The following NPAS3 variants were observed in gnomAD, a reference collection of about 807,000 sequenced individuals.
NPAS3 encodes neuronal PAS domain protein 3.
A neutral mutation model predicts 73.1 loss-of-function variants in NPAS3; 14 were observed. That is an observed-to-expected ratio of 0.19 (90% CI 0.13 to 0.30). NPAS3 has a LOEUF of 0.30. Among genes scored for constraint, NPAS3 ranks in the 10% least tolerant of loss-of-function variants. NPAS3 has a pLI of 1.00. For synonymous variants in NPAS3, 620 were observed against 541.5 expected, an observed-to-expected ratio of 1.14 and a Z score of -2.01; for missense variants, 1,096 against 1,250.0, an observed-to-expected ratio of 0.88 and a Z score of 1.86.
intron 4 of NPAS3, among the ~76,000 whole-genome samples, chr14:33,410,806 C>G (rs1227735738): frequency 6.6e-6 from 1 of 152,094 alleles, no homozygotes; most frequent in Non-Finnish European, 1.5e-5. Context: ...CCACCACACC[C>G]GGCTAATTTT....
At chr14:33,511,915 T>C (rs2053073278) in intron 4 of NPAS3, among the ~76,000 whole-genome samples, 1 of 152,116 alleles carries the variant, frequency 6.6e-6, no homozygotes, top group Non-Finnish European at 1.5e-5. Context: ...ACTCCATTGC[T>C]GAATCTTACT....
intron 2 of NPAS3, among the ~76,000 whole-genome samples, chr14:33,157,767 C>T (rs530358898): frequency 2.6e-5 from 4 of 152,242 alleles, no homozygotes; most frequent in South Asian, 2.1e-4. Flanking sequence ...GGAGCTAGGT[C>T]GCCTGGGTTT....
intron 1 of NPAS3, among the ~76,000 whole-genome samples, chr14:33,025,628 A>T (rs544920100): frequency 6.6e-6 from 1 of 152,016 alleles, no homozygotes; most frequent in Non-Finnish European, 1.5e-5. Flanking sequence ...ATCTGGTGGG[A>T]GGTGATTGGA....
In NPAS3 at chr14:33,732,370, T is replaced by C. The variant is rs192728689; in HGVS notation, c.734-2844T>C. The stretch of plus-strand genomic sequence containing the variant: ...TGAGACAGTTCAAAAGCATCTCTTC[T>C]AAAGCTGCTGCTCTCATCTGTCACA... On this transcript the variant is annotated intron_variant, in intron 6 of 11. Coordinates refer to ENST00000356141, the Ensembl canonical transcript of NPAS3. Among the ~76,000 whole-genome samples the C allele has an allele frequency of 3.5e-4, 54 of 152,330 alleles. 1 individual carries two copies. The highest frequency in any genetic ancestry group is 3.4e-3 in the Middle Eastern group (1 of 294).
chr14:33,434,061 A>G (rs997649477), intron 4 of NPAS3, among the ~76,000 whole-genome samples: 3 of 151,976 alleles, frequency 2.0e-5, no homozygotes, highest in Non-Finnish European at 4.4e-5. Flanking sequence ...GCGTGGTGGC[A>G]GGCGCCTGTA....
At chr14:33,352,667 G>A (rs2045125168) in intron 3 of NPAS3, among the ~76,000 whole-genome samples, 1 of 152,176 alleles carries the variant, frequency 6.6e-6, no homozygotes, top group Admixed American at 6.5e-5. Context: ...CTTTTTAAGT[G>A]TTCCTGAATA....
At chr14:33,080,308 G>A (rs1292098510) in intron 2 of NPAS3, among the ~76,000 whole-genome samples, 3 of 151,850 alleles carry the variant, frequency 2.0e-5, no homozygotes, top group African/African-American at 4.8e-5. Context: ...GGGTTTCATC[G>A]TGTTAGCCAG....
At chr14:33,691,602 C>G (rs1464169627) in intron 6 of NPAS3, among the ~76,000 whole-genome samples, 1 of 152,188 alleles carries the variant, frequency 6.6e-6, no homozygotes, top group East Asian at 1.9e-4. Context: ...TACTTAATAC[C>G]TCATAACTAA....
chr14:33,222,881 G>A (rs970363889), intron 3 of NPAS3, among the ~76,000 whole-genome samples: 1 of 152,134 alleles, frequency 6.6e-6, no homozygotes, highest in Non-Finnish European at 1.5e-5. Context: ...AGAATGATGG[G>A]AATAATGTGA....
At chr14:33,535,037 A>C (rs1320373170) in intron 4 of NPAS3, among the ~76,000 whole-genome samples, 1 of 152,220 alleles carries the variant, frequency 6.6e-6, no homozygotes, top group South Asian at 2.1e-4. Context: ...TCAATGAAAG[A>C]TTTTGAAAAG....
intron 6 of NPAS3, among the ~76,000 whole-genome samples, chr14:33,677,086 A>ATGACT (rs1351680581): frequency 3.3e-5 from 5 of 152,200 alleles, no homozygotes; most frequent in Non-Finnish European, 2.9e-5. Context: ...ATTAAACAAA[A>ATGACT]TGACTTGATA....
intron 4 of NPAS3, among the ~76,000 whole-genome samples, chr14:33,403,637 A>G (rs76094002): frequency 9.2e-5 from 14 of 152,236 alleles, no homozygotes; most frequent in African/African-American, 2.4e-4. Context: ...TAATAGGGTT[A>G]TAAATGGACA....
chr14:33,751,445 C>T (rs1027495960), intron 7 of NPAS3, among the ~76,000 whole-genome samples: 1 of 152,040 alleles, frequency 6.6e-6, no homozygotes, highest in Non-Finnish European at 1.5e-5. Context: ...GATCCTAGAA[C>T]CAGTAACTCA....
At chr14:33,585,317 A>G (rs1287826184) in intron 5 of NPAS3, among the ~76,000 whole-genome samples, 1 of 152,164 alleles carries the variant, frequency 6.6e-6, no homozygotes, top group Non-Finnish European at 1.5e-5. Flanking sequence ...GGAAGGAGAT[A>G]AAAAGGACAT....
intron 2 of NPAS3, among the ~76,000 whole-genome samples, chr14:33,091,532 C>G (rs144913652): frequency 2.6e-5 from 4 of 152,092 alleles, no homozygotes; most frequent in Admixed American, 6.6e-5. Flanking sequence ...CAGGACCAGA[C>G]AGATTCACAG....
At chr14:33,770,597 T>A (rs896636381) in intron 7 of NPAS3, among the ~76,000 whole-genome samples, 4 of 152,066 alleles carry the variant, frequency 2.6e-5, no homozygotes, top group African/African-American at 9.7e-5. Context: ...ACCAGGAAAA[T>A]ACCTTTTGTT....
chr14:33,797,524 G>A (rs773753615), exon 11 of NPAS3: 6 of 1,613,948 alleles, frequency 3.7e-6, no homozygotes, highest in Admixed American at 1.7e-5. Context: ...GAAAACTTCC[G>A]AATCCTCGGA....
chr14:33,786,262 A>G lies in NPAS3; in HGVS notation c.1154-7635A>G, dbSNP rs551822368. ...AGAATCTATGTTTTCACAATAAAGT[A>G]CTTGGATTTCTAAAAATCTACATAA... is the stretch of plus-strand genomic sequence containing the variant. On this transcript the variant is annotated intron_variant, in intron 9 of 11. Transcript: ENST00000356141. Among the ~76,000 whole-genome samples the G allele has an allele frequency of 3.0e-4, 46 of 152,352 alleles. 1 individual carries two copies. Among genetic ancestry groups the G allele is most frequent in the Non-Finnish European group, 6.0e-4 (41 of 68,034 alleles).
intron 2 of NPAS3, among the ~76,000 whole-genome samples, chr14:33,203,757 A>T (rs1459961221): frequency 6.6e-6 from 1 of 152,072 alleles, no homozygotes; most frequent in Non-Finnish European, 1.5e-5. Flanking sequence ...AGTCTTTCCT[A>T]TTGTGAATAA....
Sources: gnomAD v4.1 joint callset for allele counts (sites outside exome capture counted in the v4.1 genomes callset) on GRCh38, gnomAD v4.1.1 for gene constraint, MANE v1.5 for transcripts, NCBI Gene and HGNC (gene_info 2026-07-23, HGNC 2026-07-21) for gene names.